Variants in KHDRBS2 observed in about 807,000 individuals in gnomAD.
KHDRBS2 encodes KH RNA binding domain containing, signal transduction associated 2.
A neutral mutation model predicts 44.3 loss-of-function variants in KHDRBS2; 26 were observed. The observed-to-expected ratio is 0.59, with a 90% CI of 0.43 to 0.81. The LOEUF is 0.81. Among genes scored for constraint, KHDRBS2 ranks in the 40% least tolerant of loss-of-function variants. The pLI, the probability that KHDRBS2 is intolerant of heterozygous loss-of-function variation, is 0.00. For missense variants in KHDRBS2, 476 were observed against 433.1 expected, an observed-to-expected ratio of 1.10 and a Z score of -0.88; for synonymous variants, 194 against 151.1, an observed-to-expected ratio of 1.28 and a Z score of -2.08.
chr6:62,161,575 G>GGC (rs1554445364), intron 2 of KHDRBS2, among the ~76,000 whole-genome samples: 1 of 35,614 alleles, frequency 2.8e-5, no homozygotes, highest in Non-Finnish European at 7.4e-5. Context: ...GGTATTTGCG[G>GGC]GGGGGGGGGG....
intron 6 of KHDRBS2, among the ~76,000 whole-genome samples, chr6:61,788,333 T>C (rs1030970234): frequency 6.6e-6 from 1 of 151,510 alleles, no homozygotes; most frequent in African/African-American, 2.4e-5. Flanking sequence ...GTGGTGATTA[T>C]TTCTACACTT....
At chr6:62,188,375 G>A (rs191693256) in intron 1 of KHDRBS2, among the ~76,000 whole-genome samples, 21 of 152,164 alleles carry the variant, frequency 1.4e-4, no homozygotes, top group African/African-American at 4.8e-4. Flanking sequence ...GACTATTTTA[G>A]ATATCAGATG....
intron 6 of KHDRBS2, chr6:61,816,964 T>C (rs1362103155): frequency 2.2e-6 from 1 of 455,658 alleles, no homozygotes; most frequent in African/African-American, 2.0e-5. Context: ...CCTGGTGAGA[T>C]TTTGCCACCG....
the KHDRBS2 span, among the ~76,000 whole-genome samples, chr6:61,585,388 A>G: frequency 1.3e-5 from 2 of 152,096 alleles, no homozygotes; most frequent in African/African-American, 4.8e-5. Flanking sequence ...ATTCAGTGGT[A>G]CTGACTACTG....
At chr6:61,934,119 T>A (rs1231546702) in intron 4 of KHDRBS2, among the ~76,000 whole-genome samples, 1 of 152,182 alleles carries the variant, frequency 6.6e-6, no homozygotes, top group Non-Finnish European at 1.5e-5. Flanking sequence ...TTCAGGTCTT[T>A]TGCCCATTTT....
chr6:62,052,408 T>C (rs567450223), intron 2 of KHDRBS2, among the ~76,000 whole-genome samples: 6 of 151,528 alleles, frequency 4.0e-5, no homozygotes, highest in African/African-American at 1.2e-4. Context: ...CATTTATATA[T>C]GGAATCTGAA....
chr6:62,101,506 G>C (rs549391148), intron 2 of KHDRBS2, among the ~76,000 whole-genome samples: 3 of 152,176 alleles, frequency 2.0e-5, no homozygotes, highest in Non-Finnish European at 4.4e-5. Context: ...AAAGCAAAGA[G>C]ATGGTTTAGG....
intron 6 of KHDRBS2, among the ~76,000 whole-genome samples, chr6:61,755,670 G>T (rs1778381016): frequency 6.6e-6 from 1 of 151,844 alleles, no homozygotes; most frequent in Admixed American, 6.6e-5. Context: ...AATTAGCCGG[G>T]TGTGGTGGTG....
intron 2 of KHDRBS2, among the ~76,000 whole-genome samples, chr6:62,111,699 T>G (rs1385010890): frequency 1.3e-5 from 2 of 151,978 alleles, no homozygotes; most frequent in Non-Finnish European, 2.9e-5. Context: ...CTGGGAAATA[T>G]AGTAAGACCC....
intron 6 of KHDRBS2, among the ~76,000 whole-genome samples, chr6:61,769,344 G>A (rs1453951395): frequency 2.6e-5 from 4 of 152,096 alleles, no homozygotes; most frequent in African/African-American, 7.2e-5. Context: ...CACTGTGCAC[G>A]AGCTGAAGCA....
At chr6:61,558,991 T>G in the KHDRBS2 span, among the ~76,000 whole-genome samples, 2 of 152,152 alleles carry the variant, frequency 1.3e-5, no homozygotes, top group South Asian at 4.1e-4. Flanking sequence ...CTGGTGGATC[T>G]GTCCAGTGCT....
intron 2 of KHDRBS2, among the ~76,000 whole-genome samples, chr6:62,051,124 C>A (rs1019955123): frequency 6.6e-6 from 1 of 152,006 alleles, no homozygotes; most frequent in Non-Finnish European, 1.5e-5. Flanking sequence ...GTTGAACTGG[C>A]TGGAAAGCGG....
chr6:62,060,277 T>C (rs926042800), intron 2 of KHDRBS2, among the ~76,000 whole-genome samples: 3 of 151,754 alleles, frequency 2.0e-5, no homozygotes, highest in African/African-American at 7.2e-5. Flanking sequence ...AGGGTTTGAA[T>C]TGAGGGATGG....
chr6:61,936,021 C>A (rs769761214), intron 4 of KHDRBS2, among the ~76,000 whole-genome samples: 1 of 151,974 alleles, frequency 6.6e-6, no homozygotes, highest in Non-Finnish European at 1.5e-5. Flanking sequence ...AATTTTAAAT[C>A]TATCTCTATT....
chr6:62,131,818 T>A (rs566315046), intron 2 of KHDRBS2, among the ~76,000 whole-genome samples: 2 of 152,320 alleles, frequency 1.3e-5, no homozygotes, highest in East Asian at 3.9e-4. Context: ...AAATACATGT[T>A]ATACATTTAA....
intron 6 of KHDRBS2, among the ~76,000 whole-genome samples, chr6:61,768,852 T>C (rs1780398143): frequency 6.6e-6 from 1 of 152,096 alleles, no homozygotes; most frequent in Admixed American, 6.6e-5. Flanking sequence ...TGTAAACAGT[T>C]GTTCAATTTG....
At chr6:61,886,818 T>C (rs529195595) in intron 6 of KHDRBS2, among the ~76,000 whole-genome samples, 2 of 152,220 alleles carry the variant, frequency 1.3e-5, no homozygotes, top group Non-Finnish European at 2.9e-5. Flanking sequence ...TCCCACTAGA[T>C]GGCATCCTTT....
chr6:62,219,419 A>G (rs1830520411), intron 1 of KHDRBS2, among the ~76,000 whole-genome samples: 1 of 152,034 alleles, frequency 6.6e-6, no homozygotes, highest in South Asian at 2.1e-4. Flanking sequence ...AAAGACATCA[A>G]TCCACAAATT....
At chr6:62,122,125 G>A (rs1262620444) in intron 2 of KHDRBS2, among the ~76,000 whole-genome samples, 1 of 152,154 alleles carries the variant, frequency 6.6e-6, no homozygotes, top group Non-Finnish European at 1.5e-5. Flanking sequence ...CTAGACTGCT[G>A]TGCAAGCTGC....
Sources: allele counts gnomAD v4.1 joint callset (sites outside exome capture counted in the v4.1 genomes callset), GRCh38; gene constraint gnomAD v4.1.1; transcripts MANE v1.5; gene names NCBI Gene and HGNC (gene_info 2026-07-23, HGNC 2026-07-21).